Variants in KCNJ3 observed in about 807,000 individuals in gnomAD.
KCNJ3 encodes potassium inwardly rectifying channel subfamily J member 3.
KCNJ3 carries 4 observed loss-of-function variants against 39.2 expected under a neutral mutation model. The ratio of observed to expected loss-of-function variants is 0.10; its 90% CI spans 0.05 to 0.23. KCNJ3 has a LOEUF of 0.23. Among genes scored for constraint, KCNJ3 ranks in the 10% least tolerant of loss-of-function variants. The pLI is 1.00. For synonymous variants in KCNJ3, 230 were observed against 237.4 expected (o/e 0.97, Z 0.29); for missense variants, 276 against 634.9 (o/e 0.43, Z 6.08).
chr2:154,780,476 A>G (rs751267249), intron 2 of KCNJ3, among the ~76,000 whole-genome samples: 29 of 152,262 alleles, frequency 1.9e-4, no homozygotes, highest in Non-Finnish European at 3.7e-4. Context: ...GGTGTTAGGA[A>G]AGGAAACCAC....
At chr2:154,839,981 T>A (rs1687547271) in intron 2 of KCNJ3, among the ~76,000 whole-genome samples, 1 of 152,198 alleles carries the variant, frequency 6.6e-6, no homozygotes, top group Non-Finnish European at 1.5e-5. Flanking sequence ...TTGCCATTGC[T>A]TTTGGTGTTT....
At chr2:154,728,528 G>A (rs1335462158) in intron 2 of KCNJ3, among the ~76,000 whole-genome samples, 1 of 152,114 alleles carries the variant, frequency 6.6e-6, no homozygotes. Flanking sequence ...GGGAATTTAT[G>A]TGGTTGATTC....
At chr2:154,759,760 G>C (rs1000257757) in intron 2 of KCNJ3, among the ~76,000 whole-genome samples, 5 of 151,982 alleles carry the variant, frequency 3.3e-5, no homozygotes, top group Admixed American at 3.3e-4. Flanking sequence ...CAGGTAAATT[G>C]TGTCATTTGC....
chr2:154,834,648 G>A (rs1687418127), intron 2 of KCNJ3, among the ~76,000 whole-genome samples: 1 of 148,606 alleles, frequency 6.7e-6, no homozygotes, highest in South Asian at 2.1e-4. Context: ...AGAATGGCGT[G>A]AACCTGGGAG....
intron 2 of KCNJ3, among the ~76,000 whole-genome samples, chr2:154,763,907 C>T (rs533493476): frequency 5.3e-5 from 8 of 152,166 alleles, no homozygotes; most frequent in Non-Finnish European, 1.0e-4. Context: ...ACAAATACTA[C>T]GTCCCTTCTT....
intron 2 of KCNJ3, among the ~76,000 whole-genome samples, chr2:154,750,009 G>A (rs1025017797): frequency 1.3e-5 from 2 of 151,920 alleles, no homozygotes; most frequent in Non-Finnish European, 2.9e-5. Flanking sequence ...TGAAAATCAT[G>A]CCTAAAATAG....
At chr2:154,703,061 C>A (rs892860323) in intron 1 of KCNJ3, among the ~76,000 whole-genome samples, 8 of 151,886 alleles carry the variant, frequency 5.3e-5, no homozygotes, top group Admixed American at 4.6e-4. Context: ...CTTACTTACC[C>A]CTTTCTACCA....
In KCNJ3 at chr2:154,812,898, T is replaced by C. The variant is rs75745143; in HGVS notation, c.920-41829T>C. ...TTCTAGATATTGTATAAAATAATCG[T>C]AAGTAAGATTTATTGAGCACTTTGT... On this transcript the variant is annotated intron_variant, in intron 2 of 2. Coordinates refer to ENST00000295101, the MANE Select transcript of KCNJ3 (RefSeq NM_002239.4). Among the ~76,000 whole-genome samples the C allele has an allele frequency of 2.2e-4, 34 of 152,226 alleles. No homozygotes were observed. In the East Asian group the frequency reaches 6.4e-3, roughly 28 times the overall value.
At chr2:154,728,990 C>T (rs1427216806) in intron 2 of KCNJ3, among the ~76,000 whole-genome samples, 1 of 152,020 alleles carries the variant, frequency 6.6e-6, no homozygotes, top group Non-Finnish European at 1.5e-5. Flanking sequence ...TCATTTTTGT[C>T]ATCAAAATCA....
intron 2 of KCNJ3, among the ~76,000 whole-genome samples, chr2:154,844,013 G>A (rs1044122640): frequency 5.9e-5 from 9 of 152,194 alleles, no homozygotes; most frequent in African/African-American, 2.2e-4. Context: ...TCCTTTGGAG[G>A]AGAACAGGCC....
chr2:154,830,507 C>T (rs78852842), intron 2 of KCNJ3, among the ~76,000 whole-genome samples: 1 of 152,094 alleles, frequency 6.6e-6, no homozygotes, highest in Non-Finnish European at 1.5e-5. Context: ...CATTAAGATG[C>T]GCTTCGTGTG....
At chr2:154,727,361 G>T (rs547790624) in intron 2 of KCNJ3, among the ~76,000 whole-genome samples, 2 of 151,706 alleles carry the variant, frequency 1.3e-5, no homozygotes, top group South Asian at 4.2e-4. Flanking sequence ...TGAGATGGGC[G>T]GATCACCTGA....
At chr2:154,779,404 T>C (rs1373479181) in intron 2 of KCNJ3, among the ~76,000 whole-genome samples, 2 of 149,568 alleles carry the variant, frequency 1.3e-5, no homozygotes, top group East Asian at 3.9e-4. Context: ...TGGAGACTTA[T>C]GAGGTCAGTT....
At chr2:154,733,063 A>G (rs1183888791) in intron 2 of KCNJ3, among the ~76,000 whole-genome samples, 1 of 152,014 alleles carries the variant, frequency 6.6e-6, no homozygotes, top group Non-Finnish European at 1.5e-5. Context: ...TATAAAACCT[A>G]CTCTCCTTTT....
intron 2 of KCNJ3, among the ~76,000 whole-genome samples, chr2:154,716,394 G>A (rs951569855): frequency 6.6e-6 from 1 of 150,978 alleles, no homozygotes; most frequent in African/African-American, 2.4e-5. Flanking sequence ...CAAAGTGCTG[G>A]GATTACAGGC....
intron 1 of KCNJ3, among the ~76,000 whole-genome samples, chr2:154,703,505 G>A (rs1452359565): frequency 6.6e-6 from 1 of 150,854 alleles, no homozygotes; most frequent in Admixed American, 6.6e-5. Flanking sequence ...GTGTGTGTGT[G>A]TATACATATC....
chr2:154,707,028 A>G (rs191652879), intron 1 of KCNJ3, among the ~76,000 whole-genome samples: 1 of 152,300 alleles, frequency 6.6e-6, no homozygotes, highest in African/African-American at 2.4e-5. Context: ...ATATAAAGGA[A>G]GAAGGACCTG....
intron 2 of KCNJ3, among the ~76,000 whole-genome samples, chr2:154,777,978 TGCCAGAGTAGTGGATATTCCCTA>T (rs1444683282): frequency 3.9e-5 from 6 of 152,316 alleles, no homozygotes; most frequent in Admixed American, 2.0e-4. Context: ...TTTCCTGCTA[TGCCAGAGTAGTGGATATTCCCTA>T]GCTAGCTTAT....
At chr2:154,764,221 G>A (rs2591171) in intron 2 of KCNJ3, among the ~76,000 whole-genome samples, 40,490 of 152,110 alleles carry the variant, frequency 0.27, 6,747 homozygotes, top group East Asian at 0.44. Context: ...TAAAAGGAGC[G>A]TTAAGGGGTG....
Sources: gnomAD v4.1 joint callset for allele counts (sites outside exome capture counted in the v4.1 genomes callset) on GRCh38, gnomAD v4.1.1 for gene constraint, MANE v1.5 for transcripts, NCBI Gene and HGNC (gene_info 2026-07-23, HGNC 2026-07-21) for gene names.